The following KCND3 variants were observed in gnomAD, a reference collection of about 807,000 sequenced individuals.
The protein encoded by KCND3 is potassium voltage-gated channel subfamily D member 3, also known as A-type voltage-gated potassium channel KCND3.
Under a neutral mutation model 51.1 loss-of-function variants are expected in KCND3, and 9 were observed. That is an observed-to-expected ratio of 0.18 (90% CI 0.11 to 0.31). The LOEUF is 0.31. KCND3 is among the 10% of genes least tolerant of loss of function. The pLI, the probability that KCND3 is intolerant of heterozygous loss-of-function variation, is 1.00. For synonymous variants in KCND3, 349 were observed against 368.0 expected (o/e 0.95, Z 0.59); for missense variants, 526 against 903.8 (o/e 0.58, Z 5.36).
At chr1:111,969,405 T>A (rs1674201439) in intron 2 of KCND3, among the ~76,000 whole-genome samples, 1 of 152,266 alleles carries the variant, frequency 6.6e-6, no homozygotes, top group East Asian at 1.9e-4. Flanking sequence ...AGGGAAGGCA[T>A]TTCAGGCTCC....
chr1:111,884,340 C>A (rs1669472034), intron 2 of KCND3, among the ~76,000 whole-genome samples: 1 of 152,202 alleles, frequency 6.6e-6, no homozygotes, highest in Non-Finnish European at 1.5e-5. Context: ...CTGATACCTG[C>A]CTAAGTGGGA....
intron 2 of KCND3, among the ~76,000 whole-genome samples, chr1:111,802,664 G>A (rs553412863): frequency 3.3e-5 from 5 of 152,296 alleles, no homozygotes; most frequent in East Asian, 1.9e-4. Flanking sequence ...GAGCAGGCCC[G>A]GTGCAGTACT....
intron 2 of KCND3, among the ~76,000 whole-genome samples, chr1:111,815,910 G>A (rs1001928999): frequency 9.9e-5 from 15 of 151,896 alleles, no homozygotes; most frequent in Non-Finnish European, 4.4e-5. Flanking sequence ...ATTCCTCCTT[G>A]GAAAGCTGCC....
chr1:111,805,862 A>G (rs1055225356), intron 2 of KCND3, among the ~76,000 whole-genome samples: 7 of 152,360 alleles, frequency 4.6e-5, no homozygotes, highest in Admixed American at 3.9e-4. Context: ...ACAGAGGCTC[A>G]GAGGTCTGGG....
intron 2 of KCND3, among the ~76,000 whole-genome samples, chr1:111,912,031 G>C (rs1487561563): frequency 6.6e-6 from 1 of 152,320 alleles, no homozygotes; most frequent in African/African-American, 2.4e-5. Flanking sequence ...TCTGAAAGGG[G>C]ATCCACTTAA....
At chr1:111,824,170 C>T (rs994718968) in intron 2 of KCND3, among the ~76,000 whole-genome samples, 1 of 145,932 alleles carries the variant, frequency 6.9e-6, no homozygotes, top group African/African-American at 2.5e-5. Flanking sequence ...CAGCAAAGAA[C>T]AAGATAGTAC....
rs571270085 is a variant in KCND3 at position 111,971,198 on chromosome 1, A to G, written c.1106+10423T>C. Among the ~76,000 whole-genome samples, 12 of 152,062 alleles carry G rather than the reference A, an allele frequency of 7.9e-5. No individual in the cohort carries two copies. The South Asian group carries it at 1.2e-3, about 16-fold the overall frequency. On this transcript the variant is annotated intron_variant, in intron 2 of 7. Transcript: ENST00000302127. ...GACCCCATGTGCCATCCACATGCCA[A>G]TGTAAGGGTCCCTTTATTATTATTA...
intron 2 of KCND3, among the ~76,000 whole-genome samples, chr1:111,912,701 G>A (rs1671019789): frequency 6.6e-6 from 1 of 152,110 alleles, no homozygotes; most frequent in African/African-American, 2.4e-5. Flanking sequence ...CTAGGCTAAT[G>A]TGTGTGTTTG....
intron 2 of KCND3, among the ~76,000 whole-genome samples, chr1:111,830,767 T>C (rs1222506595): frequency 6.6e-6 from 1 of 152,266 alleles, no homozygotes; most frequent in African/African-American, 2.4e-5. Context: ...TTTGGAAATA[T>C]ATTTTCCATA....
At chr1:111,973,777 T>C (rs904891581) in intron 2 of KCND3, among the ~76,000 whole-genome samples, 2 of 152,232 alleles carry the variant, frequency 1.3e-5, no homozygotes, top group African/African-American at 2.4e-5. Flanking sequence ...TATTGTTTGA[T>C]TGGACTTTCT....
At chr1:111,960,337 TCAAAAAGCCAAAGATC>T (rs1673579352) in intron 2 of KCND3, among the ~76,000 whole-genome samples, 1 of 152,090 alleles carries the variant, frequency 6.6e-6, no homozygotes, top group Non-Finnish European at 1.5e-5. Context: ...CCAGTAAATA[TCAAAAAGCCAAAGATC>T]CTTTCTTCTG....
chr1:111,912,921 TTTA>T (rs1181653087), intron 2 of KCND3, among the ~76,000 whole-genome samples: 2 of 152,314 alleles, frequency 1.3e-5, no homozygotes, highest in African/African-American at 4.8e-5. Context: ...CTAAGTTTAA[TTTA>T]TTATTGAAGA....
chr1:111,894,108 C>G (rs1483961141), intron 2 of KCND3, among the ~76,000 whole-genome samples: 7 of 152,200 alleles, frequency 4.6e-5, no homozygotes, highest in Admixed American at 4.6e-4. Context: ...ACCTAAAATA[C>G]AGGCTAAATC....
intron 2 of KCND3, among the ~76,000 whole-genome samples, chr1:111,912,112 G>T (rs188533702): frequency 5.9e-5 from 9 of 152,188 alleles, no homozygotes; most frequent in Admixed American, 3.9e-4. Flanking sequence ...AAGAACCATC[G>T]CAAAGCACTA....
intron 2 of KCND3, among the ~76,000 whole-genome samples, chr1:111,788,369 C>T (rs1664696235): frequency 6.6e-6 from 1 of 152,222 alleles, no homozygotes; most frequent in African/African-American, 2.4e-5. Context: ...TCAAAGTCAT[C>T]TGTCCTGAGG....
chr1:111,940,073 G>GTT (rs61088602), intron 2 of KCND3, among the ~76,000 whole-genome samples: 6,132 of 85,172 alleles, frequency 0.072, 533 homozygotes, highest in African/African-American at 0.18. Flanking sequence ...CTTTTTGATG[G>GTT]TTTTTTTTTT....
rs113694447 is a variant in KCND3, at chr1:111,845,049, G to A, written c.1107-57943C>T. The stretch of plus-strand genomic sequence containing the variant: ...CAGTGCAGTCCACGTGCATTCTCTC[G>A]GCTTCCTTACTTTCCATTCACACTG... On this transcript the variant is annotated intron_variant, in intron 2 of 7. Coordinates refer to ENST00000302127, the MANE Select transcript of KCND3 (RefSeq NM_001378969.1). 3.1e-3 allele frequency among the ~76,000 whole-genome samples: 471 copies of A among 152,020 alleles called. 5 individuals carry two copies. The highest frequency in any genetic ancestry group is 0.011 in the African/African-American group (447 of 41,424).
At position 111,775,846 on chromosome 1, in the gene KCND3, G is replaced by T; in HGVS notation, c.*231C>A. 23 of 122,822 alleles carry T rather than the reference G, an allele frequency of 1.9e-4. No individual in the cohort carries two copies. The highest frequency in any genetic ancestry group is 3.8e-4 in the South Asian group (3 of 7,924). The allele number at this position is 122,822 out of a possible 1,614,324, so 7.6% of individuals were successfully genotyped here. A position where few individuals can be genotyped will look rare whatever the true frequency, so the allele number is the denominator to read the frequency against. The stretch of plus-strand genomic sequence containing the variant: ...CCCCCCACCCTCCCTCCCTTCCTCT[G>T]GCCCCAGTGAGATGCAGTATCACAG... On this transcript the variant is annotated 3_prime_UTR_variant, in exon 8 of 8. Transcript: ENST00000302127.
At chr1:111,908,695 TTGAG>T (rs756508718) in intron 2 of KCND3, among the ~76,000 whole-genome samples, 1 of 152,178 alleles carries the variant, frequency 6.6e-6, no homozygotes, top group African/African-American at 2.4e-5. Context: ...TTTGCTTCTC[TTGAG>T]TATTTCCTTG....
Sources: gnomAD v4.1 joint callset for allele counts (sites outside exome capture counted in the v4.1 genomes callset) on GRCh38, gnomAD v4.1.1 for gene constraint, MANE v1.5 for transcripts, NCBI Gene and HGNC (gene_info 2026-07-23, HGNC 2026-07-21) for gene names.